Variants in SIMC1 observed in about 807,000 individuals in gnomAD.
SIMC1 encodes the protein SUMO-interacting motif-containing protein 1.
In SIMC1, 55 loss-of-function variants were observed where a neutral mutation model predicts 82.3. The ratio of observed to expected loss-of-function variants is 0.67; its 90% CI spans 0.54 to 0.84. The LOEUF (loss-of-function observed/expected upper bound fraction) is 0.84, where lower values mean the gene tolerates loss of function less well. SIMC1 is among the 40% of genes least tolerant of loss of function. The probability of loss-of-function intolerance (pLI) is 0.00; values close to 1 mark genes in which losing one functional copy is unlikely to be tolerated. For missense variants in SIMC1, 915 were observed against 1,107.2 expected (o/e 0.83, Z 2.46); for synonymous variants, 353 against 426.3 (o/e 0.83, Z 2.12).
intron 1 of SIMC1, among the ~76,000 whole-genome samples, chr5:176,241,788 T>C (rs1214825725): frequency 1.1e-4 from 17 of 150,994 alleles, no homozygotes; most frequent in Admixed American, 1.1e-3. Context: ...GAAGATAAAA[T>C]ACATTTACAG....
intron 1 of SIMC1, among the ~76,000 whole-genome samples, chr5:176,271,265 C>T (rs1277427192): frequency 6.6e-6 from 1 of 152,116 alleles, no homozygotes; most frequent in Non-Finnish European, 1.5e-5. Context: ...GAGGCTGAGG[C>T]CTGAGAATCA....
chr5:176,244,719 CTTTTTTT>C (rs1177032281), intron 1 of SIMC1, among the ~76,000 whole-genome samples: 1 of 114,504 alleles, frequency 8.7e-6, no homozygotes, highest in South Asian at 3.0e-4. Context: ...TTTTTTTTTC[CTTTTTTT>C]TTTTTTTTTT....
intron 1 of SIMC1, among the ~76,000 whole-genome samples, chr5:176,246,448 GTT>G (rs1491331259): frequency 7.8e-4 from 105 of 134,954 alleles, no homozygotes; most frequent in African/African-American, 2.1e-3. Flanking sequence ...GTGTGTGTGT[GTT>G]GTTTGTTTGT....
intron 1 of SIMC1, among the ~76,000 whole-genome samples, chr5:176,257,987 C>T (rs1216315712): frequency 1.3e-5 from 2 of 152,302 alleles, no homozygotes; most frequent in East Asian, 3.9e-4. Context: ...AGTTCAGAAC[C>T]ACTACGTTAG....
chr5:176,251,363 A>AAAAAC (rs1360369349), intron 1 of SIMC1, among the ~76,000 whole-genome samples: 1 of 152,176 alleles, frequency 6.6e-6, no homozygotes, highest in Non-Finnish European at 1.5e-5. Context: ...ACTCCACCTC[A>AAAAAC]AAAACAAAAC....
At chr5:176,279,205 C>G (rs1762863802) in intron 1 of SIMC1, among the ~76,000 whole-genome samples, 1 of 152,226 alleles carries the variant, frequency 6.6e-6, no homozygotes, top group African/African-American at 2.4e-5. Context: ...AGGAATTTAT[C>G]CATTTCTTCT....
intron 9 of SIMC1, among the ~76,000 whole-genome samples, chr5:176,344,326 G>A (rs1387557149): frequency 6.6e-6 from 1 of 152,054 alleles, no homozygotes; most frequent in Non-Finnish European, 1.5e-5. Flanking sequence ...CTATGATTGG[G>A]ATGTTTAATT....
chr5:176,296,256 A>C lies in SIMC1; in HGVS notation c.1670A>C (p.His557Pro). The C allele has an allele frequency of 1.9e-6, 3 of 1,613,008 alleles. No homozygotes were observed. Among genetic ancestry groups the C allele is most frequent in the Non-Finnish European group, 2.5e-6 (3 of 1,179,156 alleles). Reference protein sequence around the residue: ...YMLLMKIQQLHPANAKTVEWD... With the variant: ...YMLLMKIQQLPPANAKTVEWD... The stretch of plus-strand genomic sequence containing the variant: ...TGATTTCACTTGACTTTCAGGCTAC[A>C]TCCAGCCAATGCCAAGACAGTGGAG... The change falls in exon 4 of 10, where the codon CAT becomes CCT. Residue 557 changes from histidine to proline, a missense_variant. This residue lies in a region of SIMC1 where 902 missense variants were observed against 1,040.3 expected (regional missense o/e 0.87). Coordinates refer to ENST00000429602, the MANE Select transcript of SIMC1 (RefSeq NM_001308195.2).
In SIMC1 at chr5:176,337,791, C is replaced by T. The variant is rs149821208; in HGVS notation, c.2413+645C>T. 2.5e-3 allele frequency among the ~76,000 whole-genome samples: 386 copies of T among 152,276 alleles called. 3 individuals are homozygous for T. The highest frequency in any genetic ancestry group is 8.8e-3 in the African/African-American group (365 of 41,552). ...GAGCAAGGTGAACATGTACATCTTG[C>T]AGAAGATGTAAGGTACTCTAAGTCT... On this transcript the variant is annotated intron_variant, in intron 9 of 9. Transcript: ENST00000429602.
At chr5:176,253,983 T>C (rs573814881) in intron 1 of SIMC1, among the ~76,000 whole-genome samples, 117 of 152,282 alleles carry the variant, frequency 7.7e-4, no homozygotes, top group Non-Finnish European at 1.1e-3. Flanking sequence ...TTTCTTATTT[T>C]GCATATATGG....
intron 5 of SIMC1, 82 bp from the exon 6 acceptor site, chr5:176,322,191 A>T: frequency 6.9e-7 from 1 of 1,458,710 alleles, no homozygotes; most frequent in Non-Finnish European, 9.1e-7. Flanking sequence ...TACAACAGAC[A>T]TGGAAACCTT....
chr5:176,252,383 C>A (rs865948640), intron 1 of SIMC1, among the ~76,000 whole-genome samples: 2 of 144,080 alleles, frequency 1.4e-5, no homozygotes, highest in Non-Finnish European at 3.0e-5. Flanking sequence ...ACTTCTCAGA[C>A]GGGGCGGTTG....
At chr5:176,311,207 C>G (rs1056947040) in intron 4 of SIMC1, among the ~76,000 whole-genome samples, 1 of 152,034 alleles carries the variant, frequency 6.6e-6, no homozygotes, top group African/African-American at 2.4e-5. Context: ...TTTAAAATGG[C>G]TGAATTTTAT....
chr5:176,269,133 G>A (rs1762322817), intron 1 of SIMC1, among the ~76,000 whole-genome samples: 1 of 151,770 alleles, frequency 6.6e-6, no homozygotes, highest in South Asian at 2.1e-4. Flanking sequence ...TGTTAGAAAA[G>A]AAAAAAGTCT....
chr5:176,284,464 C>T (rs1763170491), intron 1 of SIMC1, among the ~76,000 whole-genome samples: 1 of 152,156 alleles, frequency 6.6e-6, no homozygotes, highest in African/African-American at 2.4e-5. Context: ...TAAAGGTGCT[C>T]TTTGAAACCA....
intron 5 of SIMC1, among the ~76,000 whole-genome samples, chr5:176,317,603 A>G (rs1342531415): frequency 6.6e-6 from 1 of 152,072 alleles, no homozygotes. Flanking sequence ...CAGCCTCTAT[A>G]TCATTAATAT....
chr5:176,305,865 GC>G (rs1203016501), intron 4 of SIMC1, among the ~76,000 whole-genome samples: 1 of 70,308 alleles, frequency 1.4e-5, no homozygotes, highest in Admixed American at 1.3e-4. Context: ...GGGGGGGTCA[GC>G]CCCCCTGCCC....
intron 4 of SIMC1, among the ~76,000 whole-genome samples, chr5:176,297,184 A>G (rs1763851623): frequency 1.3e-5 from 2 of 152,212 alleles, no homozygotes; most frequent in South Asian, 4.1e-4. Context: ...TCAGGCAAAA[A>G]GTCACAGAAT....
intron 7 of SIMC1, among the ~76,000 whole-genome samples, chr5:176,326,860 T>C (rs1482991688): frequency 6.6e-6 from 1 of 152,152 alleles, no homozygotes; most frequent in African/African-American, 2.4e-5. Flanking sequence ...CCACCACACC[T>C]GGCAATGTTA....
Sources: allele counts gnomAD v4.1 joint callset (sites outside exome capture counted in the v4.1 genomes callset), GRCh38; gene constraint gnomAD v4.1.1; regional missense constraint gnomAD v4.1.1; transcripts MANE v1.5; gene names NCBI Gene and HGNC (gene_info 2026-07-23, HGNC 2026-07-21).